The following FMNL3 variants were observed in gnomAD, a reference collection of about 807,000 sequenced individuals.
FMNL3 encodes the protein formin-like protein 3.
Under a neutral mutation model 119.6 loss-of-function variants are expected in FMNL3, and 57 were observed. The observed-to-expected ratio is 0.48, with a 90% confidence interval of 0.39 to 0.59. The LOEUF (loss-of-function observed/expected upper bound fraction) is 0.59. Among genes scored for constraint, FMNL3 ranks in the 20% least tolerant of loss-of-function variants. The pLI, the probability that FMNL3 is intolerant of heterozygous loss-of-function variation, is 0.00. For missense variants in FMNL3, 1,053 were observed against 1,323.5 expected (o/e 0.80, Z 3.17); for synonymous variants, 491 against 507.3 (o/e 0.97, Z 0.43).
In FMNL3 at chr12:49,638,938, G is replaced by A. The variant is rs534052720; in HGVS notation, c.*6877C>T. 1.6e-4 allele frequency: 25 copies of A among 152,236 alleles called. No homozygotes were observed. Among genetic ancestry groups the A allele is most frequent in the African/African-American group, 6.0e-4 (25 of 41,524 alleles). The allele number at this position is 152,236 out of a possible 1,614,324, so 9.4% of individuals were successfully genotyped here. A position where few individuals can be genotyped will look rare whatever the true frequency, so the allele number is the denominator to read the frequency against. On this transcript the variant is annotated 3_prime_UTR_variant, in exon 26 of 26. Coordinates refer to ENST00000335154, the MANE Select transcript of FMNL3 (RefSeq NM_175736.5). ...GTACTGTTTTGCCTTACAAATTCACGTAGGTGTTGCATTTTAACACCATAT... is the reference window on the plus strand; with the variant it reads ...GTACTGTTTTGCCTTACAAATTCACATAGGTGTTGCATTTTAACACCATAT...
At chr12:49,652,942 G>A (rs1156332089) in intron 13 of FMNL3, among the ~76,000 whole-genome samples, 1 of 152,112 alleles carries the variant, frequency 6.6e-6, no homozygotes, top group South Asian at 2.1e-4. Flanking sequence ...AAATCAATGG[G>A]ATGGGCTGGT....
rs912713627 is a variant in FMNL3, at chr12:49,640,321, G to A, written c.*5494C>T. 7 of 152,224 alleles carry A rather than the reference G, an allele frequency of 4.6e-5. No homozygotes were observed. The highest frequency in any genetic ancestry group is 1.4e-4 in the African/African-American group (6 of 41,454). 9.4% of individuals were successfully genotyped at this position (152,224 alleles called of 1,614,324 possible). On this transcript the variant is annotated 3_prime_UTR_variant, in exon 26 of 26. Coordinates refer to ENST00000335154, the MANE Select transcript of FMNL3 (RefSeq NM_175736.5). The stretch of plus-strand genomic sequence containing the variant: ...AGGATGTTTGAAAATCAGGAGAGAT[G>A]AAGGATGAGATTGCGAGGGAGTACA...
At position 49,645,242 on chromosome 12, in the gene FMNL3, T is replaced by C. The variant is rs1943132639; in HGVS notation, c.*573A>G. Reference sequence around the variant, plus strand: ...CTTCTGCCCACCTTGACAAGGACAGTGTGAGCCTAGAATGAAATGGGCAGA... The same window carrying C: ...CTTCTGCCCACCTTGACAAGGACAGCGTGAGCCTAGAATGAAATGGGCAGA... On this transcript the variant is annotated 3_prime_UTR_variant, in exon 26 of 26. Transcript: ENST00000335154. 6.6e-6 allele frequency: 1 copy of C among 151,650 alleles called. No homozygotes were observed. Among genetic ancestry groups the C allele is most frequent in the Admixed American group, 6.6e-5 (1 of 15,254 alleles). The allele number at this position is 151,650 out of a possible 1,614,324, so 9.4% of individuals were successfully genotyped here.
intron 1 of FMNL3, among the ~76,000 whole-genome samples, chr12:49,680,117 AATAG>A (rs1228828854): frequency 2.0e-5 from 3 of 152,254 alleles, no homozygotes; most frequent in Non-Finnish European, 4.4e-5. Flanking sequence ...GAAAAAGCTT[AATAG>A]ATAGATACTC....
intron 1 of FMNL3, among the ~76,000 whole-genome samples, chr12:49,692,704 T>C (rs1478694292): frequency 2.0e-5 from 3 of 152,226 alleles, no homozygotes. Context: ...GCCAGGTATT[T>C]GGCTGTACAG....
At chr12:49,704,682 G>A (rs1484855692) in intron 1 of FMNL3, among the ~76,000 whole-genome samples, 1 of 127,510 alleles carries the variant, frequency 7.8e-6, no homozygotes, top group African/African-American at 3.0e-5. Context: ...CCGCACTCCA[G>A]CCTGGATGAC....
chr12:49,706,786 A>C (rs901259304), intron 1 of FMNL3, among the ~76,000 whole-genome samples: 4 of 152,152 alleles, frequency 2.6e-5, no homozygotes, highest in African/African-American at 9.7e-5. Flanking sequence ...AGGAAGAAGG[A>C]GGGAGAAGCC....
rs1441520049 is a variant in FMNL3 at position 49,640,884 on chromosome 12, C to T, written c.*4931G>A. On this transcript the variant is annotated 3_prime_UTR_variant, in exon 26 of 26. Transcript: ENST00000335154. Reference sequence around the variant, plus strand: ...TCTGCTTGATGGAAGGAGCCAGTAACAAGGGTGACTTGGAGCTTTCAATTC... The same window carrying T: ...TCTGCTTGATGGAAGGAGCCAGTAATAAGGGTGACTTGGAGCTTTCAATTC... The T allele has an allele frequency of 6.6e-6, 1 of 152,142 alleles. No homozygotes were observed. Among genetic ancestry groups the T allele is most frequent in the Non-Finnish European group, 1.5e-5 (1 of 68,052 alleles). 9.4% of individuals were successfully genotyped at this position (152,142 alleles called of 1,614,324 possible). A position where few individuals can be genotyped will look rare whatever the true frequency, so the allele number is the denominator to read the frequency against.
intron 2 of FMNL3, among the ~76,000 whole-genome samples, chr12:49,666,557 C>T (rs1040458415): frequency 3.3e-5 from 5 of 152,058 alleles, no homozygotes; most frequent in Non-Finnish European, 4.4e-5. Context: ...CTTGGGAGGT[C>T]GAGGCAGGGG....
rs1444506902 is a variant in FMNL3, at chr12:49,643,752, G to A, written c.*2063C>T. ...AAACTAAGAAGAGAAGACACAAGTC[G>A]GTGAGTGAAGGAACTTCTACCTAAG... On this transcript the variant is annotated 3_prime_UTR_variant, in exon 26 of 26. Transcript: ENST00000335154. The A allele has an allele frequency of 2.5e-6, 4 of 1,614,048 alleles. No individual in the cohort carries two copies. The highest frequency in any genetic ancestry group is 2.2e-5 in the East Asian group (1 of 44,892).
chr12:49,636,680 G>A lies in FMNL3; in HGVS notation c.*9135C>T. 1 of 1,612,200 alleles carries A rather than the reference G, an allele frequency of 6.2e-7. No homozygotes were observed. The highest frequency in any genetic ancestry group is 8.5e-7 in the Non-Finnish European group (1 of 1,178,490). On this transcript the variant is annotated 3_prime_UTR_variant, in exon 26 of 26. Transcript: ENST00000335154. ...CTGGGGTCTGAGAGGGTATCCTGCT[G>A]GGACAATGCCCGCGGAACCTCCTGC...
chr12:49,691,669 T>TTC (rs1185790897), intron 1 of FMNL3, among the ~76,000 whole-genome samples: 9 of 152,180 alleles, frequency 5.9e-5, no homozygotes, highest in Non-Finnish European at 8.8e-5. Context: ...CTGGTGCCCT[T>TTC]TCTCTCTCTC....
At chr12:49,688,630 C>T (rs924386738) in intron 1 of FMNL3, 6 of 409,988 alleles carry the variant, frequency 1.5e-5, no homozygotes, top group African/African-American at 1.2e-4. Flanking sequence ...AGTGGGTCTG[C>T]AAGAATGAAC....
chr12:49,643,240 A>G lies in FMNL3; in HGVS notation c.*2575T>C, dbSNP rs142161604. On this transcript the variant is annotated 3_prime_UTR_variant, in exon 26 of 26. Transcript: ENST00000335154. ...CTGCCCAGGGCTCTGAGTCAGAAGA[A>G]GAGGAGCTGCCCCCACCATCTCTCC... 4.6e-5 allele frequency: 74 copies of G among 1,614,004 alleles called. No individual in the cohort carries two copies. The highest frequency in any genetic ancestry group is 5.9e-5 in the Non-Finnish European group (70 of 1,180,030).
At chr12:49,694,387 G>A (rs1398448889) in intron 1 of FMNL3, among the ~76,000 whole-genome samples, 3 of 152,102 alleles carry the variant, frequency 2.0e-5, no homozygotes, top group East Asian at 3.8e-4. Context: ...CTTTTTTTAC[G>A]TTAAACAATG....
In FMNL3 at chr12:49,637,452, T is replaced by C; in HGVS notation, c.*8363A>G. ...CTCCCTGTCTCACTCTCCCTATAAC[T>C]GGCCTCTCCCTGCTCAGACCTTCCT... On this transcript the variant is annotated 3_prime_UTR_variant, in exon 26 of 26. Transcript: ENST00000335154. 6.3e-7 allele frequency: 1 copy of C among 1,582,728 alleles called. No homozygotes were observed. The highest frequency in any genetic ancestry group is 1.3e-5 in the African/African-American group (1 of 74,378).
chr12:49,693,114 A>G (rs1944649982), intron 1 of FMNL3, among the ~76,000 whole-genome samples: 1 of 152,208 alleles, frequency 6.6e-6, no homozygotes, highest in South Asian at 2.1e-4. Flanking sequence ...TCCTTTTAGT[A>G]TAATACAAAG....
At chr12:49,674,842 A>T (rs1944140964) in intron 1 of FMNL3, among the ~76,000 whole-genome samples, 1 of 152,206 alleles carries the variant, frequency 6.6e-6, no homozygotes, top group Non-Finnish European at 1.5e-5. Flanking sequence ...CAAGTCCCTG[A>T]GCAGCCTGGA....
chr12:49,664,604 A>G (rs376201546), intron 4 of FMNL3, among the ~76,000 whole-genome samples: 198 of 152,270 alleles, frequency 1.3e-3, no homozygotes, highest in South Asian at 0.011. Flanking sequence ...TGAAGGACTG[A>G]CCAAACAAAG....
Sources: gnomAD v4.1 joint callset for allele counts (sites outside exome capture counted in the v4.1 genomes callset) on GRCh38, gnomAD v4.1.1 for gene constraint, MANE v1.5 for transcripts, NCBI Gene and HGNC (gene_info 2026-07-23, HGNC 2026-07-21) for gene names.